Variants in CLVS1 observed in about 807,000 individuals in gnomAD.
The protein encoded by CLVS1 is clavesin-1.
In CLVS1, 10 loss-of-function variants were observed where a neutral mutation model predicts 33.1. The observed-to-expected ratio is 0.30, with a 90% CI of 0.19 to 0.51. The LOEUF is 0.51. Ranked by LOEUF, CLVS1 falls within the 20% of genes least tolerant of loss-of-function variation. The pLI is 0.97. For missense variants in CLVS1, 343 were observed against 433.4 expected (o/e 0.79, Z 1.85); for synonymous variants, 163 against 166.1 (o/e 0.98, Z 0.14).
chr8:61,037,782 T>G, the CLVS1 span, among the ~76,000 whole-genome samples: 1 of 152,176 alleles, frequency 6.6e-6, no homozygotes, highest in East Asian at 1.9e-4. Flanking sequence ...GTCAGAGAAC[T>G]TCAGTCACCA....
chr8:60,978,717 A>C, the CLVS1 span, among the ~76,000 whole-genome samples: 2 of 143,670 alleles, frequency 1.4e-5, no homozygotes, highest in South Asian at 2.4e-4. Flanking sequence ...CAGGAGGCTG[A>C]GGCAGGAGAA....
intron 2 of CLVS1, among the ~76,000 whole-genome samples, chr8:61,203,544 TA>T (rs58097822): frequency 0.86 from 128,827 of 150,030 alleles, 55,375 homozygotes; most frequent in Middle Eastern, 0.97. Context: ...TTTAATAAAG[TA>T]AAAAAAAAAA....
At chr8:61,234,311 T>C (rs1808507792) in intron 2 of CLVS1, among the ~76,000 whole-genome samples, 1 of 152,204 alleles carries the variant, frequency 6.6e-6, no homozygotes, top group Non-Finnish European at 1.5e-5. Context: ...CTGACGTCAC[T>C]TGTTCTGCTG....
chr8:61,405,641 C>A (rs1356108759), intron 3 of CLVS1, among the ~76,000 whole-genome samples: 1 of 151,192 alleles, frequency 6.6e-6, no homozygotes, highest in Non-Finnish European at 1.5e-5. Context: ...TAGTCAAGGG[C>A]CAAAATTTAA....
intron 2 of CLVS1, among the ~76,000 whole-genome samples, chr8:61,365,299 G>A (rs183998518): frequency 1.1e-4 from 16 of 152,216 alleles, no homozygotes; most frequent in Admixed American, 3.9e-4. Context: ...AGGCCGAGGC[G>A]GGCGGATCAC....
chr8:61,243,745 G>C (rs2129314680), intron 2 of CLVS1, among the ~76,000 whole-genome samples: 1 of 152,200 alleles, frequency 6.6e-6, no homozygotes, highest in East Asian at 1.9e-4. Context: ...TCACTAAGGG[G>C]TTATCAATTA....
chr8:61,172,405 G>A (rs1807020967), intron 2 of CLVS1, among the ~76,000 whole-genome samples: 1 of 152,102 alleles, frequency 6.6e-6, no homozygotes, highest in African/African-American at 2.4e-5. Flanking sequence ...AGTGTTTTAT[G>A]ACAGAAAATT....
At position 61,225,750 on chromosome 8, in the gene CLVS1, G is replaced by T. The variant is rs535270794; in HGVS notation, c.-151-73927G>T. On this transcript the variant is annotated intron_variant, in intron 2 of 2. Coordinates refer to the CLVS1 transcript ENST00000522621. ...CCAGCATGTGTATTTCAGGCAATTTGCACAATGTACAATGGTCTGAGCCAC... is the reference window on the plus strand; with the variant it reads ...CCAGCATGTGTATTTCAGGCAATTTTCACAATGTACAATGGTCTGAGCCAC... Among the ~76,000 whole-genome samples, 31 of 152,286 alleles carry T rather than the reference G, an allele frequency of 2.0e-4. No homozygotes were observed. The East Asian group carries it at 4.0e-3, about 20-fold the overall frequency.
chr8:61,116,387 T>C (rs1260592335), intron 1 of CLVS1, among the ~76,000 whole-genome samples: 4 of 152,234 alleles, frequency 2.6e-5, no homozygotes. Flanking sequence ...AGATCCCATT[T>C]GTCAATTTTG....
At chr8:61,236,131 A>T (rs566011514) in intron 2 of CLVS1, among the ~76,000 whole-genome samples, 12 of 152,148 alleles carry the variant, frequency 7.9e-5, no homozygotes, top group Non-Finnish European at 1.8e-4. Context: ...GCTTCCTTCC[A>T]TTCATCTTGG....
chr8:61,186,826 A>G (rs1807352855), intron 2 of CLVS1, among the ~76,000 whole-genome samples: 2 of 152,200 alleles, frequency 1.3e-5, no homozygotes, highest in African/African-American at 2.4e-5. Flanking sequence ...TAGTTTCAGA[A>G]AGGAGTGAAC....
intron 2 of CLVS1, among the ~76,000 whole-genome samples, chr8:61,142,484 C>A (rs1373374880): frequency 1.3e-5 from 2 of 152,188 alleles, no homozygotes; most frequent in Non-Finnish European, 2.9e-5. Context: ...GTGGGCCTCA[C>A]TTAAGTCTCA....
At chr8:61,392,087 T>A (rs1814325594) in intron 3 of CLVS1, among the ~76,000 whole-genome samples, 1 of 152,184 alleles carries the variant, frequency 6.6e-6, no homozygotes, top group Admixed American at 6.5e-5. Flanking sequence ...GGGAAAATAA[T>A]CAACTTTGAG....
At chr8:61,151,636 C>T (rs974354869) in intron 2 of CLVS1, among the ~76,000 whole-genome samples, 1 of 152,126 alleles carries the variant, frequency 6.6e-6, no homozygotes, top group African/African-American at 2.4e-5. Flanking sequence ...CACCCGGGCC[C>T]CAGGTGTGCC....
At chr8:61,452,435 G>A (rs573379121) in intron 3 of CLVS1, among the ~76,000 whole-genome samples, 1 of 152,242 alleles carries the variant, frequency 6.6e-6, no homozygotes, top group African/African-American at 2.4e-5. Flanking sequence ...ACCACATTTA[G>A]TATGTGAAAT....
chr8:61,029,410 G>A, the CLVS1 span, among the ~76,000 whole-genome samples: 1 of 152,052 alleles, frequency 6.6e-6, no homozygotes, highest in Non-Finnish European at 1.5e-5. Flanking sequence ...GCAGCTTCTG[G>A]GATGTGAGCA....
chr8:61,095,968 A>G (rs1805344556), intron 1 of CLVS1, among the ~76,000 whole-genome samples: 1 of 152,208 alleles, frequency 6.6e-6, no homozygotes, highest in Non-Finnish European at 1.5e-5. Context: ...TTGCATCCAT[A>G]TAGATTTCAA....
chr8:61,143,309 C>T (rs976641854), intron 2 of CLVS1, among the ~76,000 whole-genome samples: 71 of 152,168 alleles, frequency 4.7e-4, no homozygotes, highest in Admixed American at 3.7e-3. Context: ...CCCCAGGATT[C>T]GCACTGTGGT....
chr8:61,239,426 T>C (rs1404724698), intron 2 of CLVS1, among the ~76,000 whole-genome samples: 2 of 152,174 alleles, frequency 1.3e-5, no homozygotes, highest in Non-Finnish European at 1.5e-5. Context: ...GTATTTTTTT[T>C]AGTCTTTTAA....
Sources: gnomAD v4.1 joint callset for allele counts (sites outside exome capture counted in the v4.1 genomes callset) on GRCh38, gnomAD v4.1.1 for gene constraint, MANE v1.5 for transcripts, NCBI Gene and HGNC (gene_info 2026-07-23, HGNC 2026-07-21) for gene names.